UHRF1: variants seen among roughly 807,000 people sequenced by gnomAD.
UHRF1 encodes the protein E3 ubiquitin-protein ligase UHRF1.
In UHRF1, 9 loss-of-function variants were observed where a neutral mutation model predicts 96.5. The ratio of observed to expected loss-of-function variants is 0.09; its 90% CI spans 0.06 to 0.16. UHRF1 has a LOEUF of 0.16. Ranked by LOEUF, UHRF1 falls within the 10% of genes least tolerant of loss-of-function variation. The probability of loss-of-function intolerance (pLI) is 1.00; values close to 1 mark genes in which losing one functional copy is unlikely to be tolerated. For missense variants in UHRF1, 626 were observed against 1,131.1 expected (o/e 0.55, Z 6.40); for synonymous variants, 455 against 469.9 (o/e 0.97, Z 0.41).
At chr19:4,931,928 T>G (rs1232014374) in intron 4 of UHRF1, among the ~76,000 whole-genome samples, 1 of 151,836 alleles carries the variant, frequency 6.6e-6, no homozygotes, top group Non-Finnish European at 1.5e-5. Context: ...GCCCAGCTAA[T>G]TTTTGTTTTT....
At chr19:4,943,008 G>A (rs1312200356) in intron 7 of UHRF1, among the ~76,000 whole-genome samples, 1 of 152,008 alleles carries the variant, frequency 6.6e-6, no homozygotes, top group Non-Finnish European at 1.5e-5. Context: ...GGGAGGCTAA[G>A]GTGGGTGGAT....
At chr19:4,907,704 C>CT (rs59867968), upstream of UHRF1, among the ~76,000 whole-genome samples, 122 of 47,620 alleles carry the variant, frequency 2.6e-3, no homozygotes, top group Non-Finnish European at 3.1e-3. Flanking sequence ...TTGGCCTGAT[C>CT]TTTTTTTTTT....
intron 2 of UHRF1, among the ~76,000 whole-genome samples, chr19:4,928,149 G>A (rs897405054): frequency 6.6e-6 from 1 of 152,144 alleles, no homozygotes; most frequent in East Asian, 1.9e-4. Context: ...ATTTGTGGTC[G>A]TCACAACTAC....
At position 4,960,663 on chromosome 19, in the gene UHRF1, C is replaced by T; in HGVS notation, c.2242C>T (p.Leu748=). The change falls in exon 17 of 17, where the codon CTG becomes TTG. Residue 748 remains leucine (L), a synonymous_variant. Coordinates refer to ENST00000650932, the MANE Select transcript of UHRF1 (RefSeq NM_001048201.3). Reference sequence around the variant, plus strand: ...CGCCTGCTGTGTCTTACAGGACTGCCTGGACAGATCCTTTCGGGCACAGGT... The same window carrying T: ...CGCCTGCTGTGTCTTACAGGACTGCTTGGACAGATCCTTTCGGGCACAGGT... ...VCQHNVCKDC[L]DRSFRAQVFS... 6.2e-7 allele frequency: 1 copy of T among 1,612,602 alleles called. No homozygotes were observed. Among genetic ancestry groups the T allele is most frequent in the South Asian group, 1.1e-5 (1 of 90,798 alleles).
chr19:4,911,244 G>A (rs1424907562), intron 2 of UHRF1, among the ~76,000 whole-genome samples: 2 of 152,138 alleles, frequency 1.3e-5, no homozygotes, highest in African/African-American at 2.4e-5. Context: ...TTGACACGCT[G>A]GGCTGGCGGC....
intron 1 of UHRF1, 176 bp downstream of exon 1, chr19:4,909,831 G>A (rs577447215): frequency 7.3e-6 from 3 of 409,358 alleles, no homozygotes; most frequent in African/African-American, 2.1e-5. Flanking sequence ...GCACACATCC[G>A]GCTGGAGCCG....
chr19:4,939,418 C>T (rs892242714), intron 5 of UHRF1, among the ~76,000 whole-genome samples: 1 of 151,524 alleles, frequency 6.6e-6, no homozygotes, highest in African/African-American at 2.4e-5. Context: ...TTTGCTGTCT[C>T]ACCTAGGCTA....
chr19:4,934,836 C>T (rs1245332823), intron 5 of UHRF1, among the ~76,000 whole-genome samples: 4 of 152,138 alleles, frequency 2.6e-5, no homozygotes, highest in Non-Finnish European at 4.4e-5. Flanking sequence ...AGCCTCCTCA[C>T]TGAGTCTGGG....
At position 4,947,155 on chromosome 19, in the gene UHRF1, C is replaced by T. The variant is rs533917624; in HGVS notation, c.1461C>T (p.Ser487=). Residue 487 remains serine, a synonymous_variant, in exon 11 of 17, where the codon TCC becomes TCT. Transcript: ENST00000650932. The stretch of plus-strand genomic sequence containing the variant: ...CGGGTAGTGGTGGTCGAGATCTTTC[C>T]GGCAACAAGAGGACCGCGGAACAGT... ...TYTGSGGRDL[S]GNKRTAEQSC... is the part of the protein sequence containing the mutation. The T allele has an allele frequency of 4.9e-5, 79 of 1,613,732 alleles. No individual in the cohort carries two copies. Among genetic ancestry groups the T allele is most frequent in the African/African-American group, 1.1e-4 (8 of 74,970 alleles).
chr19:4,935,373 C>T (rs1279448906), intron 5 of UHRF1, among the ~76,000 whole-genome samples: 1 of 152,174 alleles, frequency 6.6e-6, no homozygotes, highest in Non-Finnish European at 1.5e-5. Context: ...TGAGGCCTCC[C>T]CAGCCATGCG....
chr19:4,934,675 C>G (rs1190054871), intron 5 of UHRF1, among the ~76,000 whole-genome samples: 1 of 152,136 alleles, frequency 6.6e-6, no homozygotes, highest in Admixed American at 6.6e-5. Flanking sequence ...GACGTGTTGT[C>G]TATAAACACG....
intron 5 of UHRF1, among the ~76,000 whole-genome samples, chr19:4,938,189 C>G (rs913192335): frequency 1.4e-4 from 21 of 151,574 alleles, no homozygotes; most frequent in Non-Finnish European, 2.8e-4. Context: ...TTTACTGAGG[C>G]CATGGAGATC....
intron 13 of UHRF1, among the ~76,000 whole-genome samples, chr19:4,953,081 C>A (rs1291502474): frequency 2.0e-5 from 3 of 152,132 alleles, no homozygotes; most frequent in Non-Finnish European, 4.4e-5. Flanking sequence ...ACACGTCACC[C>A]GCGTTCGCTC....
chr19:4,954,897 T>A lies in UHRF1; in HGVS notation c.2130+75T>A. On this transcript the variant is annotated intron_variant, in intron 15 of 16. Transcript: ENST00000650932. The surrounding 1 kb of genome is among the most constrained non-coding windows in gnomAD (Gnocchi z 5.9). ...AAATGTGTGGGGCTTGTTTCCCATG[T>A]TCCCCATTTTCAAGTGTACAGCTCA... 6.4e-7 allele frequency: 1 copy of A among 1,561,828 alleles called. No individual in the cohort carries two copies. Among genetic ancestry groups the A allele is most frequent in the Non-Finnish European group, 8.7e-7 (1 of 1,146,310 alleles).
At chr19:4,922,057 C>T (rs1281474114) in intron 2 of UHRF1, among the ~76,000 whole-genome samples, 1 of 152,164 alleles carries the variant, frequency 6.6e-6, no homozygotes, top group Non-Finnish European at 1.5e-5. Flanking sequence ...AGCTATTCTC[C>T]TGCCTTAGCC....
At chr19:4,945,167 A>C (rs1234796712) in intron 9 of UHRF1, among the ~76,000 whole-genome samples, 1 of 152,210 alleles carries the variant, frequency 6.6e-6, no homozygotes. Context: ...GGGCCTCTCA[A>C]GGCATTTTGT....
chr19:4,909,301 G>A (rs1304524096), upstream of UHRF1: 6 of 542,086 alleles, frequency 1.1e-5, no homozygotes, highest in Admixed American at 3.9e-5. Flanking sequence ...CACGCTGGGC[G>A]CGCCCAGCAG....
chr19:4,931,131 T>C (rs1374987549), intron 4 of UHRF1, among the ~76,000 whole-genome samples: 1 of 152,126 alleles, frequency 6.6e-6, no homozygotes, highest in Non-Finnish European at 1.5e-5. Context: ...CCCATCAGTT[T>C]TTCTGTTTTA....
At position 4,910,850 on chromosome 19, in the gene UHRF1, G is replaced by A. The variant is rs967812644; in HGVS notation, c.-10-26G>A. The A allele has an allele frequency of 1.9e-6, 3 of 1,580,254 alleles. No individual in the cohort carries two copies. The African/African-American group carries it at 4.1e-5, about 21-fold the overall frequency. ...CTCAGAGGTGCTGGTAAAACTGATG[G>A]GGGTTTTTGCTGTCCCTCCCCTCAG... On this transcript the variant is annotated intron_variant, in intron 1 of 16. Coordinates refer to ENST00000650932, the MANE Select transcript of UHRF1 (RefSeq NM_001048201.3).
Sources: allele counts gnomAD v4.1 joint callset (sites outside exome capture counted in the v4.1 genomes callset), GRCh38; gene constraint gnomAD v4.1.1; non-coding constraint Gnocchi (gnomAD v3.1); transcripts MANE v1.5; gene names NCBI Gene and HGNC (gene_info 2026-07-23, HGNC 2026-07-21).